Variants in MYO16 observed in about 807,000 individuals in gnomAD.
The protein encoded by MYO16 is unconventional myosin-XVI.
MYO16 carries 94 observed loss-of-function variants against 205.3 expected under a neutral mutation model. The observed-to-expected ratio is 0.46, with a 90% CI of 0.39 to 0.54. MYO16 has a LOEUF of 0.54. MYO16 is among the 20% of genes least tolerant of loss of function. The pLI, the probability that MYO16 is intolerant of heterozygous loss-of-function variation, is 0.00. For synonymous variants in MYO16, 988 were observed against 954.0 expected (o/e 1.04, Z -0.66); for missense variants, 2,315 against 2,387.5 (o/e 0.97, Z 0.63).
At chr13:108,889,639 C>T (rs1487459838) in intron 14 of MYO16, among the ~76,000 whole-genome samples, 1 of 152,158 alleles carries the variant, frequency 6.6e-6, no homozygotes, top group Non-Finnish European at 1.5e-5. Context: ...GAACCCTCTC[C>T]ATTTCTATAT....
intron 27 of MYO16, among the ~76,000 whole-genome samples, chr13:109,065,076 G>A (rs866532915): frequency 6.6e-6 from 1 of 152,134 alleles, no homozygotes; most frequent in Non-Finnish European, 1.5e-5. Context: ...GGATGCACAC[G>A]ATGGTCCCTT....
At chr13:108,926,029 TCTGACCGCAC>T (rs1339579237) in intron 16 of MYO16, among the ~76,000 whole-genome samples, 1 of 152,202 alleles carries the variant, frequency 6.6e-6, no homozygotes, top group African/African-American at 2.4e-5. Context: ...GCCACCTTGT[TCTGACCGCAC>T]AAAGACTCAG....
chr13:108,673,358 C>T (rs115491763), intron 2 of MYO16, among the ~76,000 whole-genome samples: 3,116 of 142,176 alleles, frequency 0.022, 89 homozygotes, highest in African/African-American at 0.076. Flanking sequence ...CCTCCCCGTT[C>T]TTCTTCCTTT....
chr13:109,141,475 T>C lies in MYO16; in HGVS notation c.5164+99T>C. 1.2e-6 allele frequency: 1 copy of C among 861,990 alleles called. No individual in the cohort carries two copies. The highest frequency in any genetic ancestry group is 1.6e-6 in the Non-Finnish European group (1 of 614,364). 53.4% of individuals were successfully genotyped at this position (861,990 alleles called of 1,614,324 possible). On this transcript the variant is annotated intron_variant, in intron 32 of 34. Transcript: ENST00000457511. This position sits in a 1 kb window ranked among gnomAD's most constrained non-coding sequence, Gnocchi z 4.1. ...CTGCGCAGATGTGAAATAGTAAAGTTTCAGGTGATGGCCGTGGTCGTTCAG... is the reference window on the plus strand; with the variant it reads ...CTGCGCAGATGTGAAATAGTAAAGTCTCAGGTGATGGCCGTGGTCGTTCAG...
At chr13:109,060,833 C>T (rs1390270386) in intron 27 of MYO16, among the ~76,000 whole-genome samples, 1 of 152,092 alleles carries the variant, frequency 6.6e-6, no homozygotes, top group South Asian at 2.1e-4. Flanking sequence ...GCCTGGCCTT[C>T]GAAGCTTTGA....
chr13:108,599,831 G>A (rs1182579504), intron 1 of MYO16, among the ~76,000 whole-genome samples: 1 of 152,148 alleles, frequency 6.6e-6, no homozygotes, highest in Non-Finnish European at 1.5e-5. Flanking sequence ...GTTCGGACAT[G>A]AAATGAGGTC....
At chr13:108,500,953 C>T in the MYO16 span, among the ~76,000 whole-genome samples, 1 of 152,114 alleles carries the variant, frequency 6.6e-6, no homozygotes, top group Non-Finnish European at 1.5e-5. Context: ...TTTACAACAC[C>T]GAGGTGCTTG....
chr13:109,128,540 A>G (rs1876374279), intron 31 of MYO16, among the ~76,000 whole-genome samples: 1 of 152,184 alleles, frequency 6.6e-6, no homozygotes, highest in African/African-American at 2.4e-5. Flanking sequence ...AGAAGATAAT[A>G]GGAAGACATG....
chr13:108,503,707 G>A, the MYO16 span, among the ~76,000 whole-genome samples: 1 of 151,948 alleles, frequency 6.6e-6, no homozygotes, highest in Non-Finnish European at 1.5e-5. Flanking sequence ...AATGATATGA[G>A]GTGTTACATA....
the MYO16 span, among the ~76,000 whole-genome samples, chr13:108,575,585 G>A: frequency 7.3e-3 from 1,118 of 152,122 alleles, 3 homozygotes; most frequent in Middle Eastern, 0.014. Context: ...GCACACTAGC[G>A]GATTTCCCCT....
intron 1 of MYO16, among the ~76,000 whole-genome samples, chr13:108,608,706 G>A (rs1048287155): frequency 1.9e-4 from 29 of 151,814 alleles, no homozygotes; most frequent in African/African-American, 2.9e-4. Flanking sequence ...GTGGTGGCAC[G>A]ATCTCAGCTC....
chr13:108,751,840 A>G (rs1208226504), intron 4 of MYO16, among the ~76,000 whole-genome samples: 1 of 152,148 alleles, frequency 6.6e-6, no homozygotes, highest in Non-Finnish European at 1.5e-5. Flanking sequence ...GGGCTCTTCA[A>G]AACTGTCAAT....
intron 2 of MYO16, among the ~76,000 whole-genome samples, chr13:108,691,678 A>C (rs189616965): frequency 2.0e-5 from 3 of 152,256 alleles, no homozygotes; most frequent in African/African-American, 7.2e-5. Flanking sequence ...GATTTGTAAA[A>C]TAAGGATTCA....
At position 108,823,110 on chromosome 13, in the gene MYO16, AT is replaced by A. The variant is rs1274128806; in HGVS notation, c.944-8del. On this transcript the variant is annotated splice_polypyrimidine_tract_variant and intron_variant, in intron 8 of 34. Coordinates refer to ENST00000457511, the MANE Select transcript of MYO16 (RefSeq NM_001198950.3). Reference sequence around the variant, plus strand: ...ACCCATCATTTTTCTGATTTTTCTTATTTTTTTCTTGTAGATATTGCTGCCT... The same window carrying A: ...ACCCATCATTTTTCTGATTTTTCTTATTTTTTCTTGTAGATATTGCTGCCT... The A allele has an allele frequency of 1.2e-6, 2 of 1,600,094 alleles. No individual in the cohort carries two copies. The highest frequency in any genetic ancestry group is 1.1e-5 in the South Asian group (1 of 90,404).
In MYO16 at chr13:109,127,485, G is replaced by A. The variant is rs769220983; in HGVS notation, c.3986G>A (p.Arg1329Gln). 18 of 1,613,768 alleles carry A rather than the reference G, an allele frequency of 1.1e-5. No individual in the cohort carries two copies. The highest frequency in any genetic ancestry group is 2.2e-5 in the East Asian group (1 of 44,830). The change falls in exon 31 of 35, where the codon CGG (arginine) becomes CAG (glutamine). Residue 1329 changes from arginine to glutamine, a missense_variant. Physicochemically the swap from Arg to Gln is conservative, Grantham distance 43. Coordinates refer to ENST00000457511, the MANE Select transcript of MYO16 (RefSeq NM_001198950.3). The surrounding 1 kb of genome is among the most constrained non-coding windows in gnomAD (Gnocchi z 4.2). ...PPKPKRDPNT[R>Q]LSASYEAVSA... ...AAGCCAAAGAGGGACCCCAACACCC[G>A]GCTGAGTGCTTCCTATGAGGCTGTG...
At chr13:108,533,829 C>A in the MYO16 span, among the ~76,000 whole-genome samples, 1 of 152,000 alleles carries the variant, frequency 6.6e-6, no homozygotes, top group Non-Finnish European at 1.5e-5. Context: ...TGCAGATGTT[C>A]TTTTTTAGTG....
chr13:108,709,297 G>T (rs1168809689), intron 2 of MYO16, among the ~76,000 whole-genome samples: 1 of 152,180 alleles, frequency 6.6e-6, no homozygotes, highest in Non-Finnish European at 1.5e-5. Flanking sequence ...AGAAATTTGG[G>T]TAATTTCCCA....
chr13:108,854,993 C>T (rs770094187), intron 10 of MYO16, among the ~76,000 whole-genome samples: 12 of 152,120 alleles, frequency 7.9e-5, no homozygotes, highest in African/African-American at 1.9e-4. Flanking sequence ...ATCTAAATTC[C>T]GTACACATTT....
Position 109,206,872 on chromosome 13 carries a change from CCTA to C in MYO16, c.*39_*41del. The C allele has an allele frequency of 1.3e-6, 2 of 1,571,712 alleles. No individual in the cohort carries two copies. The highest frequency in any genetic ancestry group is 1.7e-6 in the Non-Finnish European group (2 of 1,148,854). ...ACTGCAGACTTACAAAATAGAACTG[CCTA>C]CTGATTCCGGGCTGCAACAACAGAA... is the stretch of plus-strand genomic sequence containing the variant. On this transcript the variant is annotated 3_prime_UTR_variant, in exon 35 of 35. Coordinates refer to ENST00000457511, the MANE Select transcript of MYO16 (RefSeq NM_001198950.3).
Sources: gnomAD v4.1 joint callset for allele counts (sites outside exome capture counted in the v4.1 genomes callset) on GRCh38, gnomAD v4.1.1 for gene constraint, Gnocchi (gnomAD v3.1) non-coding constraint, MANE v1.5 for transcripts, NCBI Gene and HGNC (gene_info 2026-07-23, HGNC 2026-07-21) for gene names.